PTPRZ1: variants seen among roughly 807,000 people sequenced by gnomAD.
The protein encoded by PTPRZ1 is receptor-type tyrosine-protein phosphatase zeta.
In PTPRZ1, 82 loss-of-function variants were observed where a neutral mutation model predicts 214.1. The ratio of observed to expected loss-of-function variants is 0.38; its 90% CI spans 0.32 to 0.46. The LOEUF is 0.46. Among genes scored for constraint, PTPRZ1 ranks in the 20% least tolerant of loss-of-function variants. The probability of loss-of-function intolerance (pLI) is 1.00; values close to 1 mark genes in which losing one functional copy is unlikely to be tolerated. For synonymous variants in PTPRZ1, 945 were observed against 987.9 expected (o/e 0.96, Z 0.81); for missense variants, 2,603 against 2,748.7 (o/e 0.95, Z 1.19).
At chr7:121,933,792 A>G (rs1795995822) in intron 2 of PTPRZ1, among the ~76,000 whole-genome samples, 1 of 152,186 alleles carries the variant, frequency 6.6e-6, no homozygotes, top group South Asian at 2.1e-4. Flanking sequence ...GCCAAATTTT[A>G]CTCAGAAAGA....
chr7:121,964,780 A>G (rs1796993948), intron 2 of PTPRZ1, among the ~76,000 whole-genome samples: 1 of 152,168 alleles, frequency 6.6e-6, no homozygotes, highest in Non-Finnish European at 1.5e-5. Context: ...GAGAGATTTG[A>G]TTGAAGTTAG....
chr7:121,949,489 T>C (rs1796490432), intron 2 of PTPRZ1, among the ~76,000 whole-genome samples: 1 of 152,214 alleles, frequency 6.6e-6, no homozygotes, highest in Non-Finnish European at 1.5e-5. Context: ...TTTTGCTCCA[T>C]TCAAAATACT....
At chr7:121,928,678 G>A (rs1795838130) in intron 2 of PTPRZ1, among the ~76,000 whole-genome samples, 1 of 152,094 alleles carries the variant, frequency 6.6e-6, no homozygotes, top group South Asian at 2.1e-4. Flanking sequence ...AATATTGATG[G>A]GATTCTTGCT....
chr7:122,033,592 T>A (rs1443392346), intron 15 of PTPRZ1, among the ~76,000 whole-genome samples: 1 of 152,096 alleles, frequency 6.6e-6, no homozygotes, highest in African/African-American at 2.4e-5. Context: ...GTATGATTTT[T>A]AAAATTTTTA....
In PTPRZ1 at chr7:122,044,511, T is replaced by C. The variant is rs376723709; in HGVS notation, c.6027T>C (p.Val2009=). 5.6e-6 allele frequency: 9 copies of C among 1,613,812 alleles called. No homozygotes were observed. Among genetic ancestry groups the C allele is most frequent in the Non-Finnish European group, 7.6e-6 (9 of 1,179,846 alleles). The change falls in exon 23 of 30, where the codon GTT becomes GTC. Residue 2009 remains valine (V), a synonymous_variant. Transcript: ENST00000393386. ...TGGACAGTCATATTCATGCCTATGT[T>C]AATGCACTCCTCATTCCTGGACCAG... ...EVLDSHIHAY[V]NALLIPGPAG...
intron 8 of PTPRZ1, among the ~76,000 whole-genome samples, chr7:121,986,982 A>G (rs1797779076): frequency 6.6e-6 from 1 of 152,190 alleles, no homozygotes; most frequent in African/African-American, 2.4e-5. Context: ...AGAGGCTACA[A>G]AACTCAGCAT....
chr7:122,046,277 ATGAG>A (rs1398322378), intron 23 of PTPRZ1, among the ~76,000 whole-genome samples: 1 of 152,048 alleles, frequency 6.6e-6, no homozygotes, highest in Non-Finnish European at 1.5e-5. Flanking sequence ...GGTGGGTGGC[ATGAG>A]CCTGTAGTCC....
At chr7:121,994,743 C>T (rs1244097331) in intron 8 of PTPRZ1, among the ~76,000 whole-genome samples, 4 of 152,108 alleles carry the variant, frequency 2.6e-5, no homozygotes, top group Admixed American at 2.6e-4. Flanking sequence ...GGTCTTCTGC[C>T]ATCTGGTGGA....
chr7:122,047,662 T>TTTC (rs535627076), intron 23 of PTPRZ1, among the ~76,000 whole-genome samples: 1 of 145,442 alleles, frequency 6.9e-6, no homozygotes, highest in African/African-American at 2.6e-5. Flanking sequence ...TTTTTTTTTT[T>TTTC]CTCTGAGACA....
chr7:122,014,432 T>A (rs967480645), intron 12 of PTPRZ1, among the ~76,000 whole-genome samples: 9 of 151,908 alleles, frequency 5.9e-5, no homozygotes, highest in South Asian at 2.1e-4. Flanking sequence ...ATTATTATTA[T>A]TTAATTAATT....
intron 3 of PTPRZ1, among the ~76,000 whole-genome samples, chr7:121,970,419 C>T (rs1213398767): frequency 2.0e-5 from 3 of 152,174 alleles, no homozygotes; most frequent in African/African-American, 7.2e-5. Context: ...GTCCCACCAA[C>T]AGTGTAAAAG....
chr7:121,935,606 C>T (rs1029523722), intron 2 of PTPRZ1, among the ~76,000 whole-genome samples: 2 of 151,850 alleles, frequency 1.3e-5, no homozygotes, highest in Non-Finnish European at 2.9e-5. Context: ...ACTCAGTCGC[C>T]CAGGCTGGAG....
At chr7:122,026,418 C>T (rs1799208201) in intron 13 of PTPRZ1, among the ~76,000 whole-genome samples, 1 of 152,188 alleles carries the variant, frequency 6.6e-6, no homozygotes, top group Non-Finnish European at 1.5e-5. Flanking sequence ...AAGCATGTAT[C>T]AAGTCCAGTG....
At chr7:122,021,731 C>T (rs1373278887) in intron 13 of PTPRZ1, among the ~76,000 whole-genome samples, 8 of 150,296 alleles carry the variant, frequency 5.3e-5, no homozygotes, top group South Asian at 2.1e-4. Flanking sequence ...CAAAGTAAGA[C>T]ACTGTCTCAA....
At position 121,996,351 on chromosome 7, in the gene PTPRZ1, T is replaced by C. The variant is rs757639144; in HGVS notation, c.929-31T>C. The C allele has an allele frequency of 2.0e-6, 3 of 1,511,482 alleles. No homozygotes were observed. The Admixed American group carries it at 6.0e-5, about 30-fold the overall frequency. 93.6% of individuals were successfully genotyped at this position (1,511,482 alleles called of 1,614,324 possible). On this transcript the variant is annotated intron_variant, in intron 8 of 29. Transcript: ENST00000393386. ...TATTCAAGTCCTCAAGGCTAAGTTC[T>C]ATCAACAACTGTACTTTTTTCTCTC...
At chr7:122,040,721 TGAA>T in intron 20 of PTPRZ1, 92 bp from the exon 21 acceptor site, 3 of 899,488 alleles carry the variant, frequency 3.3e-6, no homozygotes, top group Non-Finnish European at 4.6e-6. Flanking sequence ...GACTTGCTGT[TGAA>T]GAACCGTGTG....
In PTPRZ1 at chr7:121,953,748, T is replaced by C. The variant is rs1460141875; in HGVS notation, c.125-14203T>C. ...GCTACTCATTGGTTGTCAGTGCCAT[T>C]GAGGAGAGCTCAGTGTAGATCAAAG... On this transcript the variant is annotated intron_variant, in intron 2 of 29. Transcript: ENST00000393386. Among the ~76,000 whole-genome samples the C allele has an allele frequency of 2.6e-5, 4 of 152,190 alleles. No individual in the cohort carries two copies. In the East Asian group the frequency reaches 7.7e-4, roughly 29 times the overall value.
At chr7:121,955,749 T>C (rs1796686762) in intron 2 of PTPRZ1, among the ~76,000 whole-genome samples, 1 of 152,218 alleles carries the variant, frequency 6.6e-6, no homozygotes, top group South Asian at 2.1e-4. Flanking sequence ...AGTGTCACCT[T>C]ATTTCTGAGC....
At chr7:122,044,590 T>C (rs375638867) in intron 23 of PTPRZ1, 22 bp downstream of exon 23, 6 of 1,610,424 alleles carry the variant, frequency 3.7e-6, no homozygotes, top group Non-Finnish European at 5.1e-6. Flanking sequence ...TGGAAGCCTC[T>C]TGGATGTCAC....
Sources: allele counts gnomAD v4.1 joint callset (sites outside exome capture counted in the v4.1 genomes callset), GRCh38; gene constraint gnomAD v4.1.1; transcripts MANE v1.5; gene names NCBI Gene and HGNC (gene_info 2026-07-23, HGNC 2026-07-21).